CDIN1: variants seen among roughly 807,000 people sequenced by gnomAD.
The protein encoded by CDIN1 is CDAN1 interacting nuclease 1.
A neutral mutation model predicts 45.3 loss-of-function variants in CDIN1; 33 were observed. The ratio of observed to expected loss-of-function variants is 0.73; its 90% CI spans 0.55 to 0.97. The LOEUF is 0.97. Ranked by LOEUF, CDIN1 falls within the 50% of genes least tolerant of loss-of-function variation. The pLI is 0.00. For synonymous variants in CDIN1, 118 were observed against 124.4 expected (o/e 0.95, Z 0.34); for missense variants, 303 against 339.4 (o/e 0.89, Z 0.84).
At chr15:36,768,547 GAAA>G (rs1476231419) in intron 10 of CDIN1, among the ~76,000 whole-genome samples, 1 of 42,916 alleles carries the variant, frequency 2.3e-5, no homozygotes, top group East Asian at 2.2e-3. Context: ...CTGCAAGCCA[GAAA>G]AGAAGAAGTT....
intron 10 of CDIN1, among the ~76,000 whole-genome samples, chr15:36,713,100 A>C (rs866246744): frequency 7.9e-5 from 12 of 152,208 alleles, no homozygotes; most frequent in African/African-American, 2.7e-4. Context: ...GTCAGATTAC[A>C]TATATGGTCT....
At chr15:36,653,997 G>A in intron 3 of CDIN1, 101 bp from the exon 4 acceptor site, 1 of 812,660 alleles carries the variant, frequency 1.2e-6, no homozygotes, top group Non-Finnish European at 2.0e-6. Context: ...GTTGAGCGTG[G>A]CATTTGTCCA....
intron 10 of CDIN1, among the ~76,000 whole-genome samples, chr15:36,805,978 A>G (rs1028335514): frequency 6.6e-6 from 1 of 152,224 alleles, no homozygotes; most frequent in Admixed American, 6.5e-5. Flanking sequence ...CATATTGTCA[A>G]TCAGAGGTTT....
chr15:36,700,068 T>C (rs1307243812), intron 8 of CDIN1, among the ~76,000 whole-genome samples: 1 of 152,198 alleles, frequency 6.6e-6, no homozygotes, highest in East Asian at 1.9e-4. Context: ...AGATGAAGTG[T>C]CTGCTTTCAT....
chr15:36,617,245 C>T, intron 1 of CDIN1: 8 of 917,672 alleles, frequency 8.7e-6, no homozygotes, highest in Non-Finnish European at 1.5e-5. Context: ...ATCGGGTGCT[C>T]ATCCTGAGGT....
intron 1 of CDIN1, chr15:36,614,329 C>A (rs1252577713): frequency 2.0e-5 from 11 of 547,912 alleles, no homozygotes; most frequent in African/African-American, 1.1e-4. Context: ...CCTTTCGCCA[C>A]CCCCTTCTCC....
intron 10 of CDIN1, among the ~76,000 whole-genome samples, chr15:36,751,347 C>T (rs891480002): frequency 6.8e-6 from 1 of 147,600 alleles, no homozygotes; most frequent in Non-Finnish European, 1.5e-5. Context: ...CCTAGGTATT[C>T]CTGAAAACAA....
intron 10 of CDIN1, among the ~76,000 whole-genome samples, chr15:36,763,676 G>A (rs768755028): frequency 1.3e-5 from 2 of 152,086 alleles, no homozygotes; most frequent in African/African-American, 2.4e-5. Flanking sequence ...TGCTTTCCAC[G>A]TGGGGTTCAG....
intron 10 of CDIN1, among the ~76,000 whole-genome samples, chr15:36,758,421 C>T (rs2053667413): frequency 6.6e-6 from 1 of 152,178 alleles, no homozygotes; most frequent in Admixed American, 6.5e-5. Flanking sequence ...GGACGAGCCA[C>T]TTTGCCTCTC....
At chr15:36,707,450 A>C (rs1296430644) in intron 8 of CDIN1, 1 of 152,110 alleles carries the variant, frequency 6.6e-6, no homozygotes, top group Non-Finnish European at 1.5e-5. Context: ...GGGATTGTTA[A>C]TTCTCATATT....
intron 5 of CDIN1, among the ~76,000 whole-genome samples, chr15:36,678,850 T>C (rs2041746253): frequency 6.6e-6 from 1 of 152,220 alleles, no homozygotes; most frequent in Non-Finnish European, 1.5e-5. Flanking sequence ...TTTCACCTGC[T>C]TGTTTGCCTC....
intron 1 of CDIN1, among the ~76,000 whole-genome samples, chr15:36,596,343 C>T (rs2140211274): frequency 6.6e-6 from 1 of 152,096 alleles, no homozygotes; most frequent in East Asian, 1.9e-4. Context: ...TATGGTTTGG[C>T]ATAATTTGCC....
At chr15:36,624,399 T>C (rs1427129538) in intron 1 of CDIN1, among the ~76,000 whole-genome samples, 1 of 152,246 alleles carries the variant, frequency 6.6e-6, no homozygotes, top group African/African-American at 2.4e-5. Context: ...CTTAATGCAT[T>C]GTAAGGCATT....
chr15:36,637,662 C>T (rs1381676131), intron 1 of CDIN1, among the ~76,000 whole-genome samples: 1 of 151,998 alleles, frequency 6.6e-6, no homozygotes, highest in Non-Finnish European at 1.5e-5. Flanking sequence ...AGAGACTCAC[C>T]CAGGAGTGAG....
At chr15:36,717,451 T>A (rs1181037053) in intron 10 of CDIN1, among the ~76,000 whole-genome samples, 1 of 152,188 alleles carries the variant, frequency 6.6e-6, no homozygotes, top group East Asian at 1.9e-4. Context: ...TAGCCTTTTT[T>A]ACTCAGCATA....
intron 5 of CDIN1, among the ~76,000 whole-genome samples, chr15:36,666,825 A>G (rs960174369): frequency 1.1e-4 from 17 of 152,346 alleles, no homozygotes; most frequent in African/African-American, 3.6e-4. Context: ...TGCTTAAGGC[A>G]GTTCAAATAA....
intron 10 of CDIN1, chr15:36,734,365 C>T (rs779023407): frequency 6.8e-5 from 29 of 428,542 alleles, no homozygotes; most frequent in Non-Finnish European, 1.3e-4. Context: ...TCCAGAGGTA[C>T]TTTATTCCTT....
At chr15:36,667,674 T>G (rs1367895239) in intron 5 of CDIN1, among the ~76,000 whole-genome samples, 1 of 152,210 alleles carries the variant, frequency 6.6e-6, no homozygotes, top group African/African-American at 2.4e-5. Flanking sequence ...TTTCTTCTTA[T>G]TCATGAGAAG....
chr15:36,656,102 A>T (rs1297244587), intron 4 of CDIN1, among the ~76,000 whole-genome samples: 1 of 152,212 alleles, frequency 6.6e-6, no homozygotes, highest in African/African-American at 2.4e-5. Context: ...GAAATTGATA[A>T]TGCATTAGGG....
Sources: allele counts gnomAD v4.1 joint callset (sites outside exome capture counted in the v4.1 genomes callset), GRCh38; gene constraint gnomAD v4.1.1; transcripts MANE v1.5; gene names NCBI Gene and HGNC (gene_info 2026-07-23, HGNC 2026-07-21).